The following EPS15 variants were observed in gnomAD, a reference collection of about 807,000 sequenced individuals.
EPS15 encodes epidermal growth factor receptor pathway substrate 15.
A neutral mutation model predicts 113.8 loss-of-function variants in EPS15; 72 were observed. The ratio of observed to expected loss-of-function variants is 0.63; its 90% CI spans 0.52 to 0.77. The LOEUF is 0.77. Among genes scored for constraint, EPS15 ranks in the 30% least tolerant of loss-of-function variants. EPS15 has a pLI of 0.00. For synonymous variants in EPS15, 344 were observed against 363.4 expected (o/e 0.95, Z 0.61); for missense variants, 1,048 against 1,045.8 (o/e 1.00, Z -0.03).
intron 21 of EPS15, among the ~76,000 whole-genome samples, chr1:51,379,618 A>T (rs1178261755): frequency 1.3e-5 from 2 of 152,230 alleles, no homozygotes; most frequent in Non-Finnish European, 1.5e-5. Flanking sequence ...GACCTACTCT[A>T]TAAGAAATGC....
rs368774564 is a variant in EPS15, at chr1:51,465,356, T to C, written c.310-30A>G. ...AGAAGAAAGTAAAGCACAACAAGAGTTGAAATTCTCACATCAAGAAGCAAT... is the reference window on the plus strand; with the variant it reads ...AGAAGAAAGTAAAGCACAACAAGAGCTGAAATTCTCACATCAAGAAGCAAT... On this transcript the variant is annotated intron_variant, in intron 5 of 24. Coordinates refer to ENST00000371733, the MANE Select transcript of EPS15 (RefSeq NM_001981.3). 21 of 1,494,948 alleles carry C rather than the reference T, an allele frequency of 1.4e-5. No homozygotes were observed. In the Admixed American group the frequency reaches 1.6e-4, roughly 11 times the overall value. 92.6% of individuals were successfully genotyped at this position (1,494,948 alleles called of 1,614,324 possible).
chr1:51,377,868 T>C (rs1441378880), intron 21 of EPS15, among the ~76,000 whole-genome samples: 1 of 152,020 alleles, frequency 6.6e-6, no homozygotes, highest in Non-Finnish European at 1.5e-5. Context: ...AAGATTACAA[T>C]TTGTTGAAGG....
chr1:51,468,626 G>T, intron 4 of EPS15, 58 bp from the exon 5 acceptor site: 4 of 1,038,434 alleles, frequency 3.9e-6, no homozygotes, highest in Non-Finnish European at 4.5e-6. Context: ...TTACCTACCT[G>T]CACAAATACT....
At chr1:51,471,301 A>G (rs970833615) in intron 4 of EPS15, among the ~76,000 whole-genome samples, 6 of 152,370 alleles carry the variant, frequency 3.9e-5, no homozygotes, top group African/African-American at 1.4e-4. Context: ...AGTAAGATCT[A>G]GACCAGAATA....
At chr1:51,462,478 C>T (rs535679898) in intron 7 of EPS15, among the ~76,000 whole-genome samples, 1 of 151,764 alleles carries the variant, frequency 6.6e-6, no homozygotes, top group East Asian at 1.9e-4. Flanking sequence ...GAGTGACTGG[C>T]AGTACGGAGA....
At position 51,364,374 on chromosome 1, in the gene EPS15, T is replaced by C. The variant is rs181751071; in HGVS notation, c.2197-346A>G. Among the ~76,000 whole-genome samples, 6 of 152,298 alleles carry C rather than the reference T, an allele frequency of 3.9e-5. No homozygotes were observed. In the East Asian group the frequency reaches 1.2e-3, roughly 29 times the overall value. ...GTATGCCTTTCCGCAAACGAATATC[T>C]GATCTAAATGGTAATCAAAGGAAAA... On this transcript the variant is annotated intron_variant, in intron 22 of 24. Coordinates refer to ENST00000371733, the MANE Select transcript of EPS15 (RefSeq NM_001981.3).
intron 8 of EPS15, among the ~76,000 whole-genome samples, chr1:51,456,135 A>C (rs1018305929): frequency 2.6e-5 from 4 of 152,196 alleles, no homozygotes; most frequent in Admixed American, 1.3e-4. Context: ...CTAAAAAGAT[A>C]AACCAACCAA....
intron 21 of EPS15, among the ~76,000 whole-genome samples, chr1:51,366,401 T>TCACATTC (rs1183200851): frequency 1.3e-5 from 2 of 152,214 alleles, no homozygotes; most frequent in Non-Finnish European, 2.9e-5. Context: ...TTTTGGTTAA[T>TCACATTC]CACATTCAGA....
At chr1:51,484,406 A>T (rs1301066144) in intron 1 of EPS15, among the ~76,000 whole-genome samples, 3 of 152,088 alleles carry the variant, frequency 2.0e-5, no homozygotes, top group Non-Finnish European at 4.4e-5. Context: ...CATTTAAAAA[A>T]ATTTTTTAAA....
At chr1:51,480,485 C>T (rs1644000603) in intron 2 of EPS15, among the ~76,000 whole-genome samples, 1 of 152,144 alleles carries the variant, frequency 6.6e-6, no homozygotes, top group South Asian at 2.1e-4. Context: ...GTATGTAAAT[C>T]TCTGTAACTC....
At chr1:51,405,788 A>G (rs1649059452) in intron 16 of EPS15, 117 bp downstream of exon 16, 3 of 785,220 alleles carry the variant, frequency 3.8e-6, no homozygotes, top group Non-Finnish European at 4.3e-6. Flanking sequence ...CTAAAAAGGA[A>G]ATCTCAATTG....
chr1:51,505,076 C>T (rs888005675), intron 1 of EPS15, among the ~76,000 whole-genome samples: 5 of 151,502 alleles, frequency 3.3e-5, no homozygotes, highest in South Asian at 4.2e-4. Flanking sequence ...GCCATGATTG[C>T]GCCACTGCAC....
chr1:51,449,351 T>C (rs1037882683), intron 8 of EPS15, among the ~76,000 whole-genome samples: 3 of 151,892 alleles, frequency 2.0e-5, no homozygotes, highest in African/African-American at 7.3e-5. Context: ...GAAAAACAAA[T>C]ACCATATGTT....
Position 51,363,845 on chromosome 1 carries a change from GA to G in EPS15, c.2359+20del. On this transcript the variant is annotated intron_variant, in intron 23 of 24. Transcript: ENST00000371733. ...GAGAAAAGCCATGCAGTTGACTGAAGAAAAGTACCAACTCTCATACCAGGTG... is the reference window on the plus strand; with the variant it reads ...GAGAAAAGCCATGCAGTTGACTGAAGAAAGTACCAACTCTCATACCAGGTG... 1 of 1,594,420 alleles carries G rather than the reference GA, an allele frequency of 6.3e-7. No homozygotes were observed. Among genetic ancestry groups the G allele is most frequent in the Middle Eastern group, 1.7e-4 (1 of 5,978 alleles).
chr1:51,441,143 C>T (rs1323071189), intron 11 of EPS15, among the ~76,000 whole-genome samples: 1 of 152,078 alleles, frequency 6.6e-6, no homozygotes, highest in Non-Finnish European at 1.5e-5. Context: ...GCATTATCAT[C>T]ACCTGTAAAA....
In EPS15 at chr1:51,371,851, G is replaced by A. The variant is rs1460830071; in HGVS notation, c.2120-5822C>T. On this transcript the variant is annotated intron_variant, in intron 21 of 24. Coordinates refer to ENST00000371733, the MANE Select transcript of EPS15 (RefSeq NM_001981.3). The stretch of plus-strand genomic sequence containing the variant: ...TTCCAGCCCCGCAAGCTCCGTTCAT[G>A]GTTAAGTGTCCTATACAGATGTACC... 2.0e-5 allele frequency among the ~76,000 whole-genome samples: 3 copies of A among 152,194 alleles called. No individual in the cohort carries two copies. The East Asian group carries it at 5.8e-4, about 29-fold the overall frequency.
In EPS15 at chr1:51,361,319, G is replaced by C; in HGVS notation, c.2396C>G (p.Pro799Arg). 1 of 1,612,006 alleles carries C rather than the reference G, an allele frequency of 6.2e-7. No individual in the cohort carries two copies. Among genetic ancestry groups the C allele is most frequent in the Non-Finnish European group, 8.5e-7 (1 of 1,179,368 alleles). The change falls in exon 24 of 25, where the codon CCC (proline) becomes CGC (arginine). Residue 799 changes from proline to arginine, a missense_variant. Pro to Arg is a moderately radical substitution (Grantham distance 103, BLOSUM62 -2). Coordinates refer to ENST00000371733, the MANE Select transcript of EPS15 (RefSeq NM_001981.3). The stretch of plus-strand genomic sequence containing the variant: ...CTGAAATGGATCATTCAGTTTAAAG[G>C]GATCAGGAGAATCCAATTTGTTGAT... ...RSINKLDSPDPFKLNDPFQPF... is the reference protein window; with the variant it reads ...RSINKLDSPDRFKLNDPFQPF...
At chr1:51,517,735 C>CTTCCCCACTGTTA (rs113850099) in intron 1 of EPS15, among the ~76,000 whole-genome samples, 10,860 of 152,236 alleles carry the variant, frequency 0.071, 415 homozygotes, top group East Asian at 0.13. Flanking sequence ...TTAAAGGGTT[C>CTTCCCCACTGTTA]TCTGCTTGTC....
At chr1:51,515,990 C>T (rs1359109790) in intron 1 of EPS15, among the ~76,000 whole-genome samples, 1 of 151,992 alleles carries the variant, frequency 6.6e-6, no homozygotes, top group East Asian at 1.9e-4. Context: ...GGGAGTAAAA[C>T]TGACTATTGG....
Sources: allele counts gnomAD v4.1 joint callset (sites outside exome capture counted in the v4.1 genomes callset), GRCh38; gene constraint gnomAD v4.1.1; transcripts MANE v1.5; gene names NCBI Gene and HGNC (gene_info 2026-07-23, HGNC 2026-07-21).